FAM114A1: variants seen among roughly 807,000 people sequenced by gnomAD.
The protein encoded by FAM114A1 is protein NOXP20.
A neutral mutation model predicts 64.3 loss-of-function variants in FAM114A1; 62 were observed. The observed-to-expected ratio is 0.96, with a 90% CI of 0.79 to 1.19. FAM114A1 has a LOEUF of 1.19. Among genes scored for constraint, FAM114A1 ranks in the 50% most tolerant of loss-of-function variants. The probability of loss-of-function intolerance (pLI) is 0.00; values close to 1 mark genes in which losing one functional copy is unlikely to be tolerated. For missense variants in FAM114A1, 645 were observed against 676.3 expected (o/e 0.95, Z 0.51); for synonymous variants, 254 against 251.1 (o/e 1.01, Z -0.11).
At chr4:38,887,318 C>G (rs185446051) in intron 3 of FAM114A1, among the ~76,000 whole-genome samples, 51 of 152,214 alleles carry the variant, frequency 3.4e-4, no homozygotes, top group Non-Finnish European at 5.3e-4. Flanking sequence ...CAAAATCAAA[C>G]AGTCACTTTC....
chr4:38,944,653 C>G lies in FAM114A1; in HGVS notation c.*1096C>G, dbSNP rs1440019715. The G allele has an allele frequency of 1.3e-5, 2 of 152,180 alleles. No homozygotes were observed. Among genetic ancestry groups the G allele is most frequent in the Non-Finnish European group, 2.9e-5 (2 of 68,068 alleles). The allele number at this position is 152,180 out of a possible 1,614,324, so 9.4% of individuals were successfully genotyped here. A position where few individuals can be genotyped will look rare whatever the true frequency, so the allele number is the denominator to read the frequency against. ...GCATTACTGCCTGAGCTCTGCCTCC[C>G]GTCAGGTCAGCAGCAGCATTAGAGT... On this transcript the variant is annotated 3_prime_UTR_variant, in exon 15 of 15. Coordinates refer to ENST00000358869, the MANE Select transcript of FAM114A1 (RefSeq NM_138389.4).
intron 10 of FAM114A1, 31 bp downstream of exon 10, chr4:38,929,364 T>TAAA (rs35369040): frequency 0.01 from 15,404 of 1,469,370 alleles, 1 homozygote; most frequent in East Asian, 0.048. Flanking sequence ...AGTTTCTGGT[T>TAAA]AAAAAAAAAC....
rs1224846931 is a variant in FAM114A1, at chr4:38,922,824, G to A, written c.1000G>A (p.Asp334Asn). ...AGAGAAGCTGGAACTCTTAAAAAAT[G>A]ACCTAATTTCCATTAAAGACATCTT... ...DGEKLELLKN[D>N]LISIKDIFAA... The change falls in exon 9 of 15, where the codon GAC (aspartate) becomes AAC (asparagine). Residue 334 changes from aspartate to asparagine, a missense_variant. By Grantham distance (23) the Asp-to-Asn change is conservative. Transcript: ENST00000358869. 15 of 1,613,454 alleles carry A rather than the reference G, an allele frequency of 9.3e-6. No homozygotes were observed. The highest frequency in any genetic ancestry group is 1.3e-5 in the Non-Finnish European group (15 of 1,179,846).
At chr4:38,913,977 G>C (rs894992279) in intron 7 of FAM114A1, among the ~76,000 whole-genome samples, 7 of 151,892 alleles carry the variant, frequency 4.6e-5, no homozygotes, top group Non-Finnish European at 1.0e-4. Context: ...GCGGGTGCCT[G>C]TAATCCCAGC....
chr4:38,929,078 A>G (rs1560328188), intron 9 of FAM114A1, 164 bp from the exon 10 acceptor site: 2 of 610,382 alleles, frequency 3.3e-6, no homozygotes, highest in Non-Finnish European at 5.9e-6. Context: ...CCTCACTGCC[A>G]TGCTCACGAA....
At chr4:38,880,119 A>G (rs1435243396) in intron 3 of FAM114A1, among the ~76,000 whole-genome samples, 2 of 91,626 alleles carry the variant, frequency 2.2e-5, no homozygotes, top group African/African-American at 3.9e-5. Flanking sequence ...AGAATAGAAT[A>G]GAATAGAATA....
intron 7 of FAM114A1, among the ~76,000 whole-genome samples, chr4:38,913,575 G>A (rs1718764140): frequency 6.6e-6 from 1 of 151,858 alleles, no homozygotes; most frequent in African/African-American, 2.4e-5. Flanking sequence ...TGTATTTTTA[G>A]TAGATACGTG....
At chr4:38,927,466 G>C (rs941438920) in intron 9 of FAM114A1, among the ~76,000 whole-genome samples, 1 of 151,984 alleles carries the variant, frequency 6.6e-6, no homozygotes, top group African/African-American at 2.4e-5. Context: ...CGGTTCATGG[G>C]GGGCTCCCCA....
intron 8 of FAM114A1, among the ~76,000 whole-genome samples, chr4:38,919,144 C>T (rs1308182233): frequency 6.6e-6 from 1 of 152,132 alleles, no homozygotes; most frequent in Non-Finnish European, 1.5e-5. Context: ...CAGAATGAGA[C>T]TCTGTCTCAA....
At position 38,905,557 on chromosome 4, in the gene FAM114A1, G is replaced by A. The variant is rs759204380; in HGVS notation, c.472G>A (p.Ala158Thr). The A allele has an allele frequency of 6.2e-7, 1 of 1,614,164 alleles. No individual in the cohort carries two copies. The highest frequency in any genetic ancestry group is 1.1e-5 in the South Asian group (1 of 91,078). ...GACGGCAGTCAAGGAAAAAGCAGGA[G>A]CCACTCTACGGATTCATGGTGTAAA... ...GLTAVKEKAG[A>T]TLRIHGVNSG... is the part of the protein sequence containing the mutation. The change falls in exon 5 of 15, where the codon GCC becomes ACC. Residue 158 changes from alanine (A) to threonine (T), a missense_variant. Coordinates refer to ENST00000358869, the MANE Select transcript of FAM114A1 (RefSeq NM_138389.4).
At position 38,943,486 on chromosome 4, in the gene FAM114A1, G is replaced by T; in HGVS notation, c.1621G>T (p.Ala541Ser). The change falls in exon 15 of 15, where the codon GCC becomes TCC. Residue 541 changes from alanine to serine, a missense_variant. Transcript: ENST00000358869. ...GCNSTTYIQDAFQLLLPVLQV... is the reference protein window; with the variant it reads ...GCNSTTYIQDSFQLLLPVLQV... ...CAACAGTACAACGTACATACAGGATGCCTTCCAGCTGCTGCTGCCTGTTCT... is the reference window on the plus strand; with the variant it reads ...CAACAGTACAACGTACATACAGGATTCCTTCCAGCTGCTGCTGCCTGTTCT... 6.2e-7 allele frequency: 1 copy of T among 1,614,084 alleles called. No homozygotes were observed. The highest frequency in any genetic ancestry group is 8.5e-7 in the Non-Finnish European group (1 of 1,180,008).
chr4:38,894,573 C>T (rs1422850678), intron 4 of FAM114A1, among the ~76,000 whole-genome samples: 1 of 152,152 alleles, frequency 6.6e-6, no homozygotes, highest in East Asian at 1.9e-4. Context: ...TCCACTGGAA[C>T]CAAATCTGCA....
At chr4:38,920,246 C>T (rs568204539) in intron 8 of FAM114A1, among the ~76,000 whole-genome samples, 27 of 151,988 alleles carry the variant, frequency 1.8e-4, no homozygotes, top group African/African-American at 6.3e-4. Flanking sequence ...TTTTCATCAC[C>T]ATTATACTCC....
At chr4:38,914,142 T>A (rs1352406815) in intron 7 of FAM114A1, among the ~76,000 whole-genome samples, 1 of 151,792 alleles carries the variant, frequency 6.6e-6, no homozygotes, top group East Asian at 1.9e-4. Context: ...TTAGAAAAAA[T>A]CAGGCCAGCT....
chr4:38,908,201 T>A (rs186317197), intron 6 of FAM114A1, among the ~76,000 whole-genome samples: 1 of 152,194 alleles, frequency 6.6e-6, no homozygotes, highest in African/African-American at 2.4e-5. Flanking sequence ...GTTAAAAAAA[T>A]TTTTAAACAG....
At chr4:38,923,021 G>A (rs1719756969) in intron 9 of FAM114A1, 128 bp downstream of exon 9, 2 of 1,076,276 alleles carry the variant, frequency 1.9e-6, no homozygotes, top group Non-Finnish European at 2.6e-6. Flanking sequence ...AAAAGACACT[G>A]TGCATCTGCT....
chr4:38,932,094 T>C, intron 11 of FAM114A1, 141 bp from the exon 12 acceptor site: 4 of 985,080 alleles, frequency 4.1e-6, no homozygotes, highest in East Asian at 2.6e-5. Context: ...GTCTTAGATA[T>C]GCTTGTAATC....
chr4:38,931,561 T>G lies in FAM114A1; in HGVS notation c.1272T>G (p.Ser424=), dbSNP rs781749297. ...AGAAGGAAGAAAAGGAAGAGAAATC[T>G]CAAGACCCTCAAGAAGACAAAAAGG... ...ETKKEEKEEK[S]QDPQEDKKEE... Residue 424 remains serine (S), a synonymous_variant, in exon 11 of 15, where the codon TCT becomes TCG. Coordinates refer to ENST00000358869, the MANE Select transcript of FAM114A1 (RefSeq NM_138389.4). 1 of 1,613,586 alleles carries G rather than the reference T, an allele frequency of 6.2e-7. No homozygotes were observed. Among genetic ancestry groups the G allele is most frequent in the Admixed American group, 1.7e-5 (1 of 59,906 alleles).
intron 13 of FAM114A1, among the ~76,000 whole-genome samples, chr4:38,936,964 C>T (rs1721164971): frequency 6.6e-6 from 1 of 152,210 alleles, no homozygotes; most frequent in African/African-American, 2.4e-5. Flanking sequence ...AAAGGCTCAG[C>T]ATTTACTTGG....
Sources: allele counts gnomAD v4.1 joint callset (sites outside exome capture counted in the v4.1 genomes callset), GRCh38; gene constraint gnomAD v4.1.1; transcripts MANE v1.5; gene names NCBI Gene and HGNC (gene_info 2026-07-23, HGNC 2026-07-21).